LIPA: variants seen among roughly 807,000 people sequenced by gnomAD.
LIPA encodes lysosomal acid lipase/cholesteryl ester hydrolase.
LIPA carries 26 observed loss-of-function variants against 40.6 expected under a neutral mutation model. The observed-to-expected ratio is 0.64, with a 90% CI of 0.47 to 0.89. The LOEUF is 0.89. Ranked by LOEUF, LIPA falls within the 40% of genes least tolerant of loss-of-function variation. The pLI is 0.00. For synonymous variants in LIPA, 188 were observed against 168.4 expected, an observed-to-expected ratio of 1.12 and a Z score of -0.90; for missense variants, 455 against 479.6, an observed-to-expected ratio of 0.95 and a Z score of 0.48.
rs746102843 is a variant in LIPA, at chr10:89,226,883, T to A, written c.538+12A>T. On this transcript the variant is annotated intron_variant, in intron 5 of 9. Transcript: ENST00000336233. ...AATTTATATCAACTTCTGATCTTAT[T>A]TACATACATACCTATAGTGGTGCCT... The A allele has an allele frequency of 7.1e-7, 1 of 1,400,590 alleles. No individual in the cohort carries two copies. Among genetic ancestry groups the A allele is most frequent in the South Asian group, 1.2e-5 (1 of 86,708 alleles). The allele number at this position is 1,400,590 out of a possible 1,614,324, so 86.8% of individuals were successfully genotyped here.
upstream of LIPA, among the ~76,000 whole-genome samples, chr10:89,253,502 T>G (rs1230613868): frequency 1.3e-5 from 2 of 152,158 alleles, no homozygotes; most frequent in Non-Finnish European, 2.9e-5. Context: ...ACCGGGTCCC[T>G]CCCACAACAT....
rs1843043188 is a variant in LIPA, at chr10:89,247,522, A to G, written c.111+16T>C. 6.7e-7 allele frequency: 1 copy of G among 1,503,554 alleles called. No individual in the cohort carries two copies. Among genetic ancestry groups the G allele is most frequent in the Non-Finnish European group, 9.3e-7 (1 of 1,079,610 alleles). The allele number at this position is 1,503,554 out of a possible 1,614,324, so 93.1% of individuals were successfully genotyped here. On this transcript the variant is annotated intron_variant, in intron 2 of 9. Coordinates refer to ENST00000336233, the MANE Select transcript of LIPA (RefSeq NM_000235.4). ...AATAGATGCATTTTAAAAGTACATA[A>G]CTTTGAGAAACTTACCACATTCATG...
chr10:89,243,780 C>T (rs1842991609), intron 3 of LIPA, among the ~76,000 whole-genome samples: 1 of 152,142 alleles, frequency 6.6e-6, no homozygotes, highest in Non-Finnish European at 1.5e-5. Context: ...GCATGTGACT[C>T]TGAGTGTTTT....
chr10:89,375,626 A>G (rs967162555), intron 2 of LIPA, among the ~76,000 whole-genome samples: 4 of 152,138 alleles, frequency 2.6e-5, no homozygotes, highest in Non-Finnish European at 4.4e-5. Flanking sequence ...AGATGGAACA[A>G]TGTTTGACTA....
chr10:89,411,825 A>G (rs894128535), intron 2 of LIPA, among the ~76,000 whole-genome samples: 23 of 152,246 alleles, frequency 1.5e-4, no homozygotes, highest in African/African-American at 5.5e-4. Context: ...TTCTGAAATC[A>G]GACAACACCT....
chr10:89,242,534 G>A (rs1842975863), intron 3 of LIPA, among the ~76,000 whole-genome samples: 1 of 152,222 alleles, frequency 6.6e-6, no homozygotes, highest in African/African-American at 2.4e-5. Context: ...GAGAAGCCAT[G>A]TGGCCAAGCC....
intron 1 of LIPA, among the ~76,000 whole-genome samples, chr10:89,334,712 C>T (rs1315159873): frequency 4.0e-5 from 6 of 151,176 alleles, no homozygotes; most frequent in East Asian, 3.9e-4. Flanking sequence ...AGGCTAGTCT[C>T]GAACTCTTGA....
intron 6 of LIPA, 88 bp from the exon 7 acceptor site, chr10:89,223,918 T>G: frequency 7.5e-7 from 1 of 1,338,394 alleles, no homozygotes; most frequent in African/African-American, 1.4e-5. Flanking sequence ...CAGAGACAAG[T>G]ACCCAATGTC....
At chr10:89,280,377 T>G (rs1843308915) in intron 1 of LIPA, among the ~76,000 whole-genome samples, 2 of 152,198 alleles carry the variant, frequency 1.3e-5, no homozygotes, top group Admixed American at 1.3e-4. Context: ...CAGGAAAGGT[T>G]CCTTGAGACA....
At chr10:89,362,548 T>G (rs1844029552) in intron 2 of LIPA, 2 of 296,444 alleles carry the variant, frequency 6.7e-6, no homozygotes, top group Non-Finnish European at 1.3e-5. Context: ...CAGACATGAG[T>G]GACCAGTATC....
In LIPA at chr10:89,245,956, G is replaced by C. The variant is rs3740044; in HGVS notation, c.112-163C>G. On this transcript the variant is annotated intron_variant, in intron 2 of 9. Coordinates refer to ENST00000336233, the MANE Select transcript of LIPA (RefSeq NM_000235.4). Reference sequence around the variant, plus strand: ...TCTAGTAGCCAACTTCTCATCACAAGAGTAAATCCTCCCTTGTTTCACGCT... The same window carrying C: ...TCTAGTAGCCAACTTCTCATCACAACAGTAAATCCTCCCTTGTTTCACGCT... Among the ~76,000 whole-genome samples the C allele has an allele frequency of 0.13, 19,718 of 151,972 alleles. 1,595 individuals carry two copies. The highest frequency in any genetic ancestry group is 0.22 in the African/African-American group (9,214 of 41,400).
rs547323886 is a variant in LIPA at position 89,332,427 on chromosome 10, A to T, written c.-2+10184T>A. The T allele has an allele frequency of 2.1e-5, 29 of 1,357,414 alleles. No individual in the cohort carries two copies. In the African/African-American group the frequency reaches 3.7e-4, roughly 17 times the overall value. The allele number at this position is 1,357,414 out of a possible 1,614,324, so 84.1% of individuals were successfully genotyped here. ...TGGCGTGAGTGAGCTCAGTTCTCACAGATTCTGTTTCAGTTTCCCCTCAAG... is the reference window on the plus strand; with the variant it reads ...TGGCGTGAGTGAGCTCAGTTCTCACTGATTCTGTTTCAGTTTCCCCTCAAG... On this transcript the variant is annotated intron_variant, in intron 1 of 5. Transcript: ENST00000282673.
chr10:89,405,074 T>G (rs1007162385), intron 2 of LIPA: 3 of 152,224 alleles, frequency 2.0e-5, no homozygotes, highest in African/African-American at 7.2e-5. Context: ...AGGCACATAT[T>G]CTTCCCAAAC....
intron 2 of LIPA, among the ~76,000 whole-genome samples, chr10:89,361,693 T>C (rs973663446): frequency 6.6e-6 from 1 of 152,114 alleles, no homozygotes; most frequent in Non-Finnish European, 1.5e-5. Context: ...GATATCATGA[T>C]GTTGATAATT....
chr10:89,413,766 C>CAAAA (rs376455922), intron 1 of LIPA, among the ~76,000 whole-genome samples: 1 of 82,888 alleles, frequency 1.2e-5, no homozygotes, highest in Non-Finnish European at 2.4e-5. Context: ...GACCCTGTCT[C>CAAAA]AAAAAAAAAA....
At chr10:89,306,735 A>C (rs1843482776) in intron 1 of LIPA, 8 of 1,614,160 alleles carry the variant, frequency 5.0e-6, no homozygotes, top group Non-Finnish European at 6.8e-6. Context: ...TATCGAAGAA[A>C]AGATGAGCCA....
intron 1 of LIPA, among the ~76,000 whole-genome samples, chr10:89,267,142 A>C (rs1355101802): frequency 6.6e-6 from 1 of 152,214 alleles, no homozygotes; most frequent in Non-Finnish European, 1.5e-5. Context: ...CTTTATGAAC[A>C]CAGGAATCAC....
intron 1 of LIPA, among the ~76,000 whole-genome samples, chr10:89,287,631 C>T (rs1355443125): frequency 1.3e-5 from 2 of 152,104 alleles, no homozygotes; most frequent in African/African-American, 2.4e-5. Flanking sequence ...CGATCATGCA[C>T]CCCTTACCAT....
chr10:89,347,977 G>A (rs1454309388), intron 2 of LIPA, among the ~76,000 whole-genome samples: 2 of 152,184 alleles, frequency 1.3e-5, no homozygotes, highest in Non-Finnish European at 2.9e-5. Flanking sequence ...CCACCGTAAG[G>A]TTTCCATCCC....
Sources: gnomAD v4.1 joint callset for allele counts (sites outside exome capture counted in the v4.1 genomes callset) on GRCh38, gnomAD v4.1.1 for gene constraint, MANE v1.5 for transcripts, NCBI Gene and HGNC (gene_info 2026-07-23, HGNC 2026-07-21) for gene names.